ZNF280D: variants seen among roughly 807,000 people sequenced by gnomAD.
The protein encoded by ZNF280D is zinc finger protein 280D.
A neutral mutation model predicts 94.7 loss-of-function variants in ZNF280D; 39 were observed. The observed-to-expected ratio is 0.41, with a 90% CI of 0.32 to 0.54. ZNF280D has a LOEUF of 0.54. ZNF280D is among the 20% of genes least tolerant of loss of function. ZNF280D has a pLI of 0.22. For missense variants in ZNF280D, 1,090 were observed against 1,149.3 expected (o/e 0.95, Z 0.75); for synonymous variants, 398 against 377.6 (o/e 1.05, Z -0.63).
chr15:56,725,135 C>A lies in ZNF280D; in HGVS notation c.-86+8323G>T, dbSNP rs576316327. ...AAGGTAACCCACAAAATAAGGAACG[C>A]ACAGGAGTGAAGCCTAGAAGCAAAG... is the stretch of plus-strand genomic sequence containing the variant. On this transcript the variant is annotated intron_variant, in intron 1 of 21. Transcript: ENST00000267807. 5.9e-5 allele frequency: 15 copies of A among 254,752 alleles called. No homozygotes were observed. The East Asian group carries it at 1.4e-3, about 23-fold the overall frequency. 15.8% of individuals were successfully genotyped at this position (254,752 alleles called of 1,614,324 possible).
At chr15:56,725,273 T>G (rs934004634) in intron 1 of ZNF280D, among the ~76,000 whole-genome samples, 7 of 151,892 alleles carry the variant, frequency 4.6e-5, no homozygotes, top group African/African-American at 1.7e-4. Context: ...ATCCCAAACC[T>G]GATCAAAAAA....
intron 1 of ZNF280D, among the ~76,000 whole-genome samples, chr15:56,727,995 T>A (rs1225009379): frequency 6.6e-6 from 1 of 152,182 alleles, no homozygotes; most frequent in Non-Finnish European, 1.5e-5. Context: ...TGACAGTCTT[T>A]CATCCTTTAC....
intron 15 of ZNF280D, 38 bp downstream of exon 15, chr15:56,666,639 TAA>T (rs754805728): frequency 8.5e-6 from 13 of 1,524,150 alleles, no homozygotes; most frequent in African/African-American, 1.4e-5. Flanking sequence ...TTTTTATACT[TAA>T]GTTTAAATTA....
intron 13 of ZNF280D, among the ~76,000 whole-genome samples, chr15:56,670,349 C>T (rs1293047632): frequency 4.0e-5 from 6 of 151,816 alleles, no homozygotes; most frequent in African/African-American, 1.4e-4. Context: ...CTCCTCCCAC[C>T]CTCTGCCCTC....
At chr15:56,728,948 G>C (rs2058755501) in intron 1 of ZNF280D, among the ~76,000 whole-genome samples, 1 of 152,178 alleles carries the variant, frequency 6.6e-6, no homozygotes, top group South Asian at 2.1e-4. Context: ...TGTTCAGTAT[G>C]TTAGGTGTAT....
chr15:56,710,129 G>A (rs61279679), intron 1 of ZNF280D, among the ~76,000 whole-genome samples: 4,581 of 152,326 alleles, frequency 0.03, 227 homozygotes, highest in African/African-American at 0.1. Context: ...AAGGACGGGC[G>A]CGGCGGCTCA....
intron 1 of ZNF280D, among the ~76,000 whole-genome samples, chr15:56,724,497 G>C (rs1252438710): frequency 1.3e-5 from 2 of 152,154 alleles, no homozygotes; most frequent in African/African-American, 4.8e-5. Flanking sequence ...AAATAGAAGA[G>C]AACATGTAAT....
intron 6 of ZNF280D, chr15:56,697,800 A>G (rs1596545595): frequency 2.0e-5 from 3 of 152,340 alleles, no homozygotes; most frequent in Admixed American, 2.0e-4. Flanking sequence ...CAAACTCATT[A>G]CAAATTAACA....
rs781670977 is a variant in ZNF280D, at chr15:56,631,537, C to T, written c.2901G>A (p.Glu967=). ...IPGGNNPSTT[E]ATVDLEDEKE... ...TTTCGTCTTCCAGGTCTACTGTTGC[C>T]TCTGTTGTGCTAGGGTTATTTCCTC... The change falls in exon 22 of 22, where the codon GAG becomes GAA. Residue 967 remains glutamate, a synonymous_variant. Coordinates refer to ENST00000267807, the MANE Select transcript of ZNF280D (RefSeq NM_017661.4). The T allele has an allele frequency of 6.2e-7, 1 of 1,613,800 alleles. No individual in the cohort carries two copies. Among genetic ancestry groups the T allele is most frequent in the South Asian group, 1.1e-5 (1 of 91,072 alleles).
intron 20 of ZNF280D, among the ~76,000 whole-genome samples, chr15:56,639,573 C>A (rs1336435066): frequency 6.6e-6 from 1 of 152,000 alleles, no homozygotes; most frequent in Non-Finnish European, 1.5e-5. Context: ...AACCTAAATA[C>A]CAAGAAACTG....
At chr15:56,676,419 T>C (rs943378135) in intron 13 of ZNF280D, among the ~76,000 whole-genome samples, 6 of 152,148 alleles carry the variant, frequency 3.9e-5, no homozygotes. Flanking sequence ...TTTCTTTTTC[T>C]GTCAATCCTC....
intron 6 of ZNF280D, 41 bp downstream of exon 6, chr15:56,700,892 A>T: frequency 6.2e-7 from 1 of 1,613,722 alleles, no homozygotes; most frequent in Non-Finnish European, 8.5e-7. Context: ...ACAACATCCA[A>T]TGGATCCCTG....
chr15:56,702,669 C>T (rs530178517), intron 4 of ZNF280D, among the ~76,000 whole-genome samples: 4 of 152,030 alleles, frequency 2.6e-5, no homozygotes, highest in African/African-American at 4.8e-5. Context: ...CCACTATCAC[C>T]GACGATGCCA....
At chr15:56,696,588 C>T (rs1052746363) in intron 6 of ZNF280D, among the ~76,000 whole-genome samples, 2 of 152,040 alleles carry the variant, frequency 1.3e-5, no homozygotes, top group African/African-American at 4.8e-5. Context: ...AACCTGAAAG[C>T]GATGTTGAGA....
chr15:56,717,424 T>C (rs1462134563), intron 1 of ZNF280D, among the ~76,000 whole-genome samples: 1 of 151,978 alleles, frequency 6.6e-6, no homozygotes, highest in Non-Finnish European at 1.5e-5. Context: ...GGAAAGAAGG[T>C]GACTTGAACT....
intron 20 of ZNF280D, among the ~76,000 whole-genome samples, chr15:56,638,491 A>G (rs2052460270): frequency 6.6e-6 from 1 of 152,172 alleles, no homozygotes; most frequent in Non-Finnish European, 1.5e-5. Flanking sequence ...TTATTGAAGT[A>G]CTGGGTGAGG....
rs374519997 is a variant in ZNF280D at position 56,633,207 on chromosome 15, C to G, written c.2316-1085G>C. 3.2e-4 allele frequency among the ~76,000 whole-genome samples: 48 copies of G among 152,232 alleles called. No homozygotes were observed. The South Asian group carries it at 8.1e-3, about 26-fold the overall frequency. On this transcript the variant is annotated intron_variant, in intron 21 of 21. Transcript: ENST00000267807. ...ATGAATTGCACAAATATCCTAGCAA[C>G]ATTTCCAAAAGGTAATTTATTATTT...
At chr15:56,698,141 C>A (rs1171414595) in intron 6 of ZNF280D, 7 of 152,150 alleles carry the variant, frequency 4.6e-5, no homozygotes, top group African/African-American at 1.7e-4. Flanking sequence ...GAAACCGTAT[C>A]CCAGAACACC....
chr15:56,716,233 T>C (rs74871635), intron 1 of ZNF280D, among the ~76,000 whole-genome samples: 6,604 of 152,168 alleles, frequency 0.043, 194 homozygotes, highest in Non-Finnish European at 0.066. Flanking sequence ...GGTCTAGAGA[T>C]AGGGACAAAC....
Sources: allele counts gnomAD v4.1 joint callset (sites outside exome capture counted in the v4.1 genomes callset), GRCh38; gene constraint gnomAD v4.1.1; transcripts MANE v1.5; gene names NCBI Gene and HGNC (gene_info 2026-07-23, HGNC 2026-07-21).